Variants in CD82 observed in about 807,000 individuals in gnomAD.
The protein encoded by CD82 is CD82 antigen.
Under a neutral mutation model 37.4 loss-of-function variants are expected in CD82, and 36 were observed. That is an observed-to-expected ratio of 0.96 (90% CI 0.74 to 1.27). CD82 has a LOEUF of 1.27. CD82 is among the 50% of genes most tolerant of loss of function. The probability of loss-of-function intolerance (pLI) is 0.00; values close to 1 mark genes in which losing one functional copy is unlikely to be tolerated. For synonymous variants in CD82, 158 were observed against 137.4 expected (o/e 1.15, Z -1.05); for missense variants, 340 against 347.0 (o/e 0.98, Z 0.16).
At chr11:44,573,753 C>G (rs1590325758) in intron 1 of CD82, among the ~76,000 whole-genome samples, 1 of 152,324 alleles carries the variant, frequency 6.6e-6, no homozygotes, top group East Asian at 1.9e-4. Context: ...CAGGGAAACA[C>G]TGGGGCTGTG....
chr11:44,581,456 C>T (rs1246994068), intron 1 of CD82, among the ~76,000 whole-genome samples: 3 of 152,212 alleles, frequency 2.0e-5, no homozygotes, highest in Admixed American at 6.5e-5. Flanking sequence ...AACATGTTTG[C>T]GTTTGTCATT....
intron 1 of CD82, chr11:44,566,443 C>T (rs894304003): frequency 1.1e-4 from 16 of 152,230 alleles, no homozygotes; most frequent in African/African-American, 3.9e-4. Flanking sequence ...AGCCCAGGGC[C>T]CCAGGGGCCC....
intron 1 of CD82, among the ~76,000 whole-genome samples, chr11:44,570,186 T>C (rs1327565986): frequency 1.3e-5 from 2 of 152,188 alleles, no homozygotes; most frequent in Non-Finnish European, 2.9e-5. Context: ...CTGGGTCTCC[T>C]CACTGTGACG....
At chr11:44,614,721 C>T (rs975003736) in intron 6 of CD82, among the ~76,000 whole-genome samples, 1 of 152,106 alleles carries the variant, frequency 6.6e-6, no homozygotes, top group African/African-American at 2.4e-5. Flanking sequence ...GTAGAGTGGT[C>T]TGGTAAGGCC....
chr11:44,564,561 G>T (rs746452665), upstream of CD82: 14 of 452,768 alleles, frequency 3.1e-5, no homozygotes, highest in Non-Finnish European at 4.9e-5. Flanking sequence ...GGGACGCAGG[G>T]TGGGCACCGC....
rs201405906 is a variant in CD82, at chr11:44,619,082, C to T, written c.760C>T (p.Arg254Trp). ...LGMVLSICLC[R>W]HVHSEDYSKV... ...GATGGTCCTGTCCATCTGCTTGTGC[C>T]GGCACGTCCATTCCGAAGACTACAG... Residue 254 changes from arginine to tryptophan, a missense_variant, in exon 10 of 10, where the codon CGG (arginine) becomes TGG (tryptophan). Physicochemically the swap from Arg to Trp is moderately radical, Grantham distance 101. Coordinates refer to ENST00000227155, the MANE Select transcript of CD82 (RefSeq NM_002231.4). The T allele has an allele frequency of 2.2e-4, 351 of 1,613,398 alleles. 2 individuals carry two copies. The highest frequency in any genetic ancestry group is 4.0e-4 in the South Asian group (36 of 91,054).
chr11:44,606,975 C>T (rs1170161710), intron 6 of CD82: 5 of 152,308 alleles, frequency 3.3e-5, no homozygotes, highest in South Asian at 2.1e-4. Context: ...CTCCCTGACT[C>T]CGAGTCCTGA....
intron 6 of CD82, 26 bp from the exon 7 acceptor site, chr11:44,615,246 C>T (rs368058630): frequency 6.6e-7 from 1 of 1,513,668 alleles, no homozygotes; most frequent in East Asian, 2.3e-5. Flanking sequence ...GAAATCTGAC[C>T]CTGACCTTTG....
At chr11:44,583,870 C>T (rs1014242029) in intron 1 of CD82, among the ~76,000 whole-genome samples, 3 of 152,178 alleles carry the variant, frequency 2.0e-5, no homozygotes, top group African/African-American at 2.4e-5. Context: ...CCCTGGCCTC[C>T]TTTCCCCAAG....
intron 6 of CD82, among the ~76,000 whole-genome samples, chr11:44,614,997 G>A (rs7935166): frequency 0.15 from 22,148 of 152,176 alleles, 2,519 homozygotes; most frequent in East Asian, 0.48. Context: ...GAACTGCCCT[G>A]GAGGTGGGAG....
intron 1 of CD82, chr11:44,566,382 G>C (rs925876602): frequency 2.6e-5 from 4 of 152,228 alleles, no homozygotes; most frequent in African/African-American, 9.7e-5. Flanking sequence ...TCTTACACTG[G>C]TGAGTGGGGA....
At chr11:44,580,578 T>C (rs576978449) in intron 1 of CD82, among the ~76,000 whole-genome samples, 1 of 152,058 alleles carries the variant, frequency 6.6e-6, no homozygotes, top group Admixed American at 6.5e-5. Context: ...CCAGACGTGG[T>C]GGTGTGTGCC....
chr11:44,590,069 G>A (rs1395118792), intron 2 of CD82, among the ~76,000 whole-genome samples: 3 of 150,944 alleles, frequency 2.0e-5, no homozygotes, highest in Non-Finnish European at 4.4e-5. Flanking sequence ...TCCTCACCTC[G>A]TGATCTGCCT....
At chr11:44,593,994 T>TACACACACAC (rs10532667) in intron 2 of CD82, among the ~76,000 whole-genome samples, 8 of 151,132 alleles carry the variant, frequency 5.3e-5, no homozygotes, top group African/African-American at 1.9e-4. Context: ...CCATTTGTTA[T>TACACACACAC]ACACACACAC....
chr11:44,609,327 G>C (rs567828267), intron 6 of CD82, among the ~76,000 whole-genome samples: 17 of 152,332 alleles, frequency 1.1e-4, no homozygotes, highest in African/African-American at 4.1e-4. Context: ...GGAGTGAGAA[G>C]GAAGTGAATG....
At chr11:44,573,159 C>T (rs1307391274) in intron 1 of CD82, 1 of 152,238 alleles carries the variant, frequency 6.6e-6, no homozygotes, top group Non-Finnish European at 1.5e-5. Context: ...TGGCAGAGGT[C>T]CCTCCACTGG....
At chr11:44,617,709 C>T (rs1421249496) in intron 7 of CD82, among the ~76,000 whole-genome samples, 1 of 152,216 alleles carries the variant, frequency 6.6e-6, no homozygotes, top group Non-Finnish European at 1.5e-5. Flanking sequence ...GTGCTCCCCA[C>T]ACCTATGCTT....
At chr11:44,612,390 T>C (rs1381442702) in intron 6 of CD82, among the ~76,000 whole-genome samples, 2 of 152,180 alleles carry the variant, frequency 1.3e-5, no homozygotes, top group African/African-American at 4.8e-5. Context: ...AGGTCTGCTG[T>C]GAAGATTCAG....
At chr11:44,607,239 A>G (rs1413095852) in intron 6 of CD82, among the ~76,000 whole-genome samples, 1 of 152,282 alleles carries the variant, frequency 6.6e-6, no homozygotes, top group East Asian at 1.9e-4. Flanking sequence ...GGAACTTCAC[A>G]AGACAAGATA....
Sources: allele counts gnomAD v4.1 joint callset (sites outside exome capture counted in the v4.1 genomes callset), GRCh38; gene constraint gnomAD v4.1.1; transcripts MANE v1.5; gene names NCBI Gene and HGNC (gene_info 2026-07-23, HGNC 2026-07-21).